The following CALU variants were observed in gnomAD, a reference collection of about 807,000 sequenced individuals.
CALU encodes IEF SSP 9302.
A neutral mutation model predicts 37.5 loss-of-function variants in CALU; 13 were observed. That is an observed-to-expected ratio of 0.35 (90% confidence interval 0.23 to 0.55). CALU has a LOEUF of 0.55. Ranked by LOEUF, CALU falls within the 20% of genes least tolerant of loss-of-function variation. The pLI is 0.89. For synonymous variants in CALU, 114 were observed against 133.8 expected, an observed-to-expected ratio of 0.85 and a Z score of 1.02; for missense variants, 282 against 391.7, an observed-to-expected ratio of 0.72 and a Z score of 2.36.
Position 128,767,528 on chromosome 7 carries a change from A to C in CALU, c.716A>C (p.Glu239Ala). 1 of 1,614,142 alleles carries C rather than the reference A, an allele frequency of 6.2e-7. No individual in the cohort carries two copies. The highest frequency in any genetic ancestry group is 8.5e-7 in the Non-Finnish European group (1 of 1,179,984). ...AAGACAGAGCGAGAGCAGTTTGTTG[A>C]GTTTCGGGATAAGAACCGTGATGGG... is the stretch of plus-strand genomic sequence containing the variant. ...WVKTEREQFV[E>A]FRDKNRDGKM... Residue 239 changes from glutamate (E) to alanine (A), a missense_variant, in exon 6 of 7, where the codon GAG becomes GCG. By Grantham distance (107) the Glu-to-Ala change is moderately radical (BLOSUM62 -1). Transcript: ENST00000249364.
chr7:128,750,672 A>G (rs984602513), intron 2 of CALU, among the ~76,000 whole-genome samples: 1 of 152,244 alleles, frequency 6.6e-6, no homozygotes, highest in Non-Finnish European at 1.5e-5. Flanking sequence ...AAACTTTTAA[A>G]AAACTTATTT....
intron 2 of CALU, among the ~76,000 whole-genome samples, chr7:128,751,181 G>C (rs764909291): frequency 2.0e-5 from 3 of 150,556 alleles, no homozygotes; most frequent in Non-Finnish European, 4.4e-5. Flanking sequence ...CCAGCTACTT[G>C]GGAGGCTGAG....
At chr7:128,748,358 A>C in intron 1 of CALU, 1 of 1,504,650 alleles carries the variant, frequency 6.6e-7, no homozygotes, top group Non-Finnish European at 8.9e-7. Context: ...CAATCAGATG[A>C]AGGAAACTGG....
chr7:128,746,006 C>T (rs1800417412), intron 1 of CALU, among the ~76,000 whole-genome samples: 1 of 152,164 alleles, frequency 6.6e-6, no homozygotes, highest in Non-Finnish European at 1.5e-5. Context: ...ATATTTTATA[C>T]AAATAAAAAC....
chr7:128,758,933 T>C lies in CALU; in HGVS notation c.478T>C (p.Phe160Leu), dbSNP rs1249493984. ...KQMMVRDERR[F>L]KMADKDGDLI... The stretch of plus-strand genomic sequence containing the variant: ...GATGATGGTTAGAGATGAGCGGAGG[T>C]TTAAAATGGCAGACAAGGATGGAGA... The change falls in exon 4 of 7, where the codon TTT becomes CTT. Residue 160 changes from phenylalanine (F) to leucine (L), a missense_variant. Coordinates refer to ENST00000249364, the MANE Select transcript of CALU (RefSeq NM_001219.5). The C allele has an allele frequency of 6.2e-7, 1 of 1,613,470 alleles. No homozygotes were observed. The highest frequency in any genetic ancestry group is 8.5e-7 in the Non-Finnish European group (1 of 1,179,728).
In CALU at chr7:128,767,605, C is replaced by T. The variant is rs753393424; in HGVS notation, c.793C>T (p.His265Tyr). ...CTGGATCCTTCCCTCAGACTATGAT[C>T]ATGCAGAGGCAGAAGCCAGGCACCT... ...KDWILPSDYD[H>Y]AEAEARHLVY... is the part of the protein sequence containing the mutation. Residue 265 changes from histidine (H) to tyrosine (Y), a missense_variant, in exon 6 of 7, where the codon CAT (histidine) becomes TAT (tyrosine). Transcript: ENST00000249364. The T allele has an allele frequency of 1.2e-6, 2 of 1,614,040 alleles. No homozygotes were observed. Among genetic ancestry groups the T allele is most frequent in the East Asian group, 4.5e-5 (2 of 44,896 alleles).
chr7:128,747,455 A>T (rs1346228478), intron 1 of CALU: 1 of 149,586 alleles, frequency 6.7e-6, no homozygotes, highest in South Asian at 2.1e-4. Context: ...CGCCCCCATT[A>T]TCTCCTTAGG....
At chr7:128,741,363 A>G (rs375167324) in intron 1 of CALU, among the ~76,000 whole-genome samples, 1 of 152,206 alleles carries the variant, frequency 6.6e-6, no homozygotes, top group East Asian at 1.9e-4. Flanking sequence ...AGTAAAATGT[A>G]TTGGTATCAA....
At chr7:128,743,626 G>A (rs545119716) in intron 1 of CALU, among the ~76,000 whole-genome samples, 1 of 151,818 alleles carries the variant, frequency 6.6e-6, no homozygotes, top group Non-Finnish European at 1.5e-5. Flanking sequence ...GGGCTCAGGC[G>A]ATCCTCCCAC....
At chr7:128,745,095 AG>A (rs1800379957) in intron 1 of CALU, among the ~76,000 whole-genome samples, 1 of 152,166 alleles carries the variant, frequency 6.6e-6, no homozygotes, top group Non-Finnish European at 1.5e-5. Context: ...GGGGTTGGCA[AG>A]AATTGTTAGG....
At chr7:128,753,672 T>C (rs1800760755) in intron 2 of CALU, among the ~76,000 whole-genome samples, 1 of 152,232 alleles carries the variant, frequency 6.6e-6, no homozygotes, top group African/African-American at 2.4e-5. Flanking sequence ...TTCCTGTCTT[T>C]TTATCTGTTT....
At position 128,772,804 on chromosome 7, in the gene CALU, C is replaced by T. The variant is rs950373249; in HGVS notation, c.*3637C>T. On this transcript the variant is annotated 3_prime_UTR_variant, in exon 7 of 7. Coordinates refer to ENST00000249364, the MANE Select transcript of CALU (RefSeq NM_001219.5). ...TGGTTTTGAATCTATCTTCCCCATC[C>T]TGAAAACTATCTAGATTCCAGTCTA... is the stretch of plus-strand genomic sequence containing the variant. 8 of 1,085,070 alleles carry T rather than the reference C, an allele frequency of 7.4e-6. No homozygotes were observed. In the African/African-American group the frequency reaches 1.1e-4, roughly 15 times the overall value. The allele number at this position is 1,085,070 out of a possible 1,614,324, so 67.2% of individuals were successfully genotyped here. A position where few individuals can be genotyped will look rare whatever the true frequency, so the allele number is the denominator to read the frequency against.
intron 1 of CALU, among the ~76,000 whole-genome samples, chr7:128,740,943 G>A (rs569184232): frequency 3.9e-5 from 6 of 152,296 alleles, no homozygotes; most frequent in African/African-American, 1.4e-4. Context: ...ATGTTGACCA[G>A]GTGGAGCCTT....
intron 3 of CALU, among the ~76,000 whole-genome samples, chr7:128,756,338 C>T (rs1800882278): frequency 1.3e-5 from 2 of 152,180 alleles, no homozygotes; most frequent in South Asian, 2.1e-4. Flanking sequence ...GCTCTGTTGC[C>T]TCACAAGGCA....
chr7:128,750,829 CTT>C (rs1252677275), intron 2 of CALU, among the ~76,000 whole-genome samples: 2 of 152,116 alleles, frequency 1.3e-5, no homozygotes, highest in African/African-American at 4.8e-5. Context: ...AAATTCACGA[CTT>C]TTTGAAATCT....
In CALU at chr7:128,759,828, T is replaced by C; in HGVS notation, c.619T>C (p.Phe207Leu). The C allele has an allele frequency of 1.4e-6, 2 of 1,396,848 alleles. No homozygotes were observed. Among genetic ancestry groups the C allele is most frequent in the Non-Finnish European group, 1.0e-6 (1 of 982,288 alleles). 86.5% of individuals were successfully genotyped at this position (1,396,848 alleles called of 1,614,324 possible). Residue 207 changes from phenylalanine to leucine, a missense_variant, in exon 5 of 7, where the codon TTC (phenylalanine) becomes CTC (leucine). Phe to Leu is a conservative substitution (Grantham distance 22, BLOSUM62 0). Coordinates refer to ENST00000249364, the MANE Select transcript of CALU (RefSeq NM_001219.5). ...AGATATAGATAAGAATGCTGATGGT[T>C]TCATTGATCTAGAAGAGTATATTGG... is the stretch of plus-strand genomic sequence containing the variant. ...MEDIDKNADG[F>L]IDLEEYIGDM...
In CALU at chr7:128,748,686, A is replaced by G. The variant is rs1197450508; in HGVS notation, c.103A>G (p.Ser35Gly). The G allele has an allele frequency of 1.2e-6, 2 of 1,614,224 alleles. No individual in the cohort carries two copies. The highest frequency in any genetic ancestry group is 1.7e-6 in the Non-Finnish European group (2 of 1,180,016). The change falls in exon 2 of 7, where the codon AGT (serine) becomes GGT (glycine). Residue 35 changes from serine (S) to glycine (G), a missense_variant. Ser to Gly is a moderately conservative substitution (Grantham distance 56). Transcript: ENST00000249364. The stretch of plus-strand genomic sequence containing the variant: ...CCGTGTACATCATGAGCCTCAGCTC[A>G]GTGACAAGGTTCACAATGATGCTCA... Reference protein sequence around the residue: ...KDRVHHEPQLSDKVHNDAQSF... With the variant: ...KDRVHHEPQLGDKVHNDAQSF...
Position 128,767,608 on chromosome 7 carries a change from G to A in CALU, c.796G>A (p.Ala266Thr). The change falls in exon 6 of 7, where the codon GCA (alanine) becomes ACA (threonine). Residue 266 changes from alanine to threonine, a missense_variant. Ala to Thr is a moderately conservative substitution (Grantham distance 58, BLOSUM62 0). Transcript: ENST00000249364. ...GATCCTTCCCTCAGACTATGATCATGCAGAGGCAGAAGCCAGGCACCTGGT... is the reference window on the plus strand; with the variant it reads ...GATCCTTCCCTCAGACTATGATCATACAGAGGCAGAAGCCAGGCACCTGGT... ...DWILPSDYDH[A>T]EAEARHLVYE... 6.2e-7 allele frequency: 1 copy of A among 1,614,168 alleles called. No homozygotes were observed. Among genetic ancestry groups the A allele is most frequent in the Non-Finnish European group, 8.5e-7 (1 of 1,180,018 alleles).
At chr7:128,754,693 A>T (rs1800804082) in intron 3 of CALU, 19 of 1,551,904 alleles carry the variant, frequency 1.2e-5, no homozygotes, top group Non-Finnish European at 1.7e-5. Context: ...TGGGATGAGT[A>T]CAGAAACGTG....
Sources: gnomAD v4.1 joint callset for allele counts (sites outside exome capture counted in the v4.1 genomes callset) on GRCh38, gnomAD v4.1.1 for gene constraint, MANE v1.5 for transcripts, NCBI Gene and HGNC (gene_info 2026-07-23, HGNC 2026-07-21) for gene names.